STK33: variants seen among roughly 807,000 people sequenced by gnomAD.
The protein encoded by STK33 is serine/threonine kinase 33.
Under a neutral mutation model 58.0 loss-of-function variants are expected in STK33, and 52 were observed. The observed-to-expected ratio is 0.90, with a 90% CI of 0.72 to 1.13. The LOEUF is 1.13. STK33 is among the 50% of genes most tolerant of loss of function. The pLI, the probability that STK33 is intolerant of heterozygous loss-of-function variation, is 0.00. For missense variants in STK33, 630 were observed against 604.2 expected, an observed-to-expected ratio of 1.04 and a Z score of -0.45; for synonymous variants, 215 against 200.1, an observed-to-expected ratio of 1.07 and a Z score of -0.63.
intron 1 of STK33, among the ~76,000 whole-genome samples, chr11:8,558,134 C>T (rs1050724486): frequency 2.0e-5 from 3 of 152,074 alleles, no homozygotes; most frequent in Admixed American, 2.0e-4. Context: ...CAATGGATTA[C>T]CTGCAAAAAA....
At chr11:8,531,217 G>C (rs1954519824) in intron 1 of STK33, among the ~76,000 whole-genome samples, 1 of 152,068 alleles carries the variant, frequency 6.6e-6, no homozygotes, top group Non-Finnish European at 1.5e-5. Flanking sequence ...TTCGCTTAAA[G>C]GAAACTGAGA....
At chr11:8,453,566 T>C (rs762779451) in intron 10 of STK33, among the ~76,000 whole-genome samples, 5 of 152,256 alleles carry the variant, frequency 3.3e-5, no homozygotes, top group Non-Finnish European at 1.5e-5. Flanking sequence ...GTGCCGCAAC[T>C]GTAGGCCTTC....
intron 6 of STK33, among the ~76,000 whole-genome samples, chr11:8,472,796 G>A (rs915285326): frequency 3.3e-5 from 5 of 152,122 alleles, no homozygotes; most frequent in African/African-American, 9.7e-5. Context: ...GGAGATTCTG[G>A]CCTCACTATC....
chr11:8,499,731 T>G (rs991359316), intron 1 of STK33, among the ~76,000 whole-genome samples: 3 of 152,172 alleles, frequency 2.0e-5, no homozygotes, highest in African/African-American at 7.2e-5. Flanking sequence ...CATGGAATAC[T>G]ATGCAGCCAT....
intron 11 of STK33, among the ~76,000 whole-genome samples, chr11:8,449,598 C>G (rs1319641160): frequency 2.2e-5 from 3 of 136,838 alleles, no homozygotes; most frequent in Non-Finnish European, 3.0e-5. Flanking sequence ...CACATGGACA[C>G]AGGAAGGGGA....
the STK33 span, among the ~76,000 whole-genome samples, chr11:8,367,391 T>A: frequency 1.5e-3 from 234 of 152,342 alleles, 1 homozygote; most frequent in African/African-American, 5.4e-3. Flanking sequence ...GTTCACATCA[T>A]TGTACATTCA....
At chr11:8,458,939 A>T (rs1947200417) in intron 8 of STK33, among the ~76,000 whole-genome samples, 1 of 152,188 alleles carries the variant, frequency 6.6e-6, no homozygotes, top group African/African-American at 2.4e-5. Context: ...CGCAATTCAG[A>T]TTCACTGAAT....
intron 1 of STK33, chr11:8,565,608 G>A (rs1442795225): frequency 2.0e-5 from 3 of 152,148 alleles, no homozygotes; most frequent in Non-Finnish European, 4.4e-5. Flanking sequence ...ATTATGATAA[G>A]GAGAAAAAGA....
At chr11:8,419,518 T>A (rs1941614473) in intron 14 of STK33, among the ~76,000 whole-genome samples, 1 of 152,212 alleles carries the variant, frequency 6.6e-6, no homozygotes, top group Non-Finnish European at 1.5e-5. Flanking sequence ...GGTAGCATGA[T>A]GCCTCCAGCT....
intron 15 of STK33, among the ~76,000 whole-genome samples, chr11:8,398,091 A>C (rs367787028): frequency 6.6e-6 from 1 of 152,166 alleles, no homozygotes; most frequent in East Asian, 1.9e-4. Context: ...CCAACATTCA[A>C]ATTCAGGAAA....
At chr11:8,521,641 T>G (rs892515010) in intron 1 of STK33, among the ~76,000 whole-genome samples, 3 of 152,010 alleles carry the variant, frequency 2.0e-5, no homozygotes, top group South Asian at 2.1e-4. Context: ...CTAATTAAAC[T>G]AAAGAGCTTC....
At chr11:8,498,898 G>T (rs1312669430) in intron 1 of STK33, among the ~76,000 whole-genome samples, 5 of 152,078 alleles carry the variant, frequency 3.3e-5, no homozygotes, top group Non-Finnish European at 5.9e-5. Context: ...ACTGAAACTG[G>T]ACCCCTTCCT....
intron 1 of STK33, among the ~76,000 whole-genome samples, chr11:8,490,483 G>A (rs577139962): frequency 1.3e-5 from 2 of 152,282 alleles, no homozygotes; most frequent in Non-Finnish European, 2.9e-5. Flanking sequence ...TCCACGTCTG[G>A]GGGCAGGGCA....
intron 15 of STK33, among the ~76,000 whole-genome samples, chr11:8,406,729 C>CT (rs1939284907): frequency 6.6e-6 from 1 of 152,098 alleles, no homozygotes; most frequent in Admixed American, 6.5e-5. Context: ...CTTTAATTCA[C>CT]TTTTTGTAGA....
intron 1 of STK33, among the ~76,000 whole-genome samples, chr11:8,510,203 G>A (rs1390965522): frequency 2.0e-5 from 3 of 152,152 alleles, no homozygotes; most frequent in Admixed American, 2.0e-4. Context: ...CATTCTTGCA[G>A]GAGTAAGGTA....
chr11:8,428,255 C>T (rs1207631867), intron 14 of STK33, among the ~76,000 whole-genome samples: 1 of 152,204 alleles, frequency 6.6e-6, no homozygotes, highest in Non-Finnish European at 1.5e-5. Context: ...TCAGGCACGG[C>T]TTCAGTGCTG....
At chr11:8,490,640 A>G (rs916478403) in intron 1 of STK33, among the ~76,000 whole-genome samples, 12 of 152,178 alleles carry the variant, frequency 7.9e-5, no homozygotes, top group African/African-American at 2.9e-4. Context: ...ACCCCTGTGT[A>G]GCCTAACTGG....
At chr11:8,395,843 G>A (rs1849238847) in intron 15 of STK33, among the ~76,000 whole-genome samples, 1 of 152,120 alleles carries the variant, frequency 6.6e-6, no homozygotes, top group South Asian at 2.1e-4. Context: ...ATGGTATATG[G>A]ATTTGTAATT....
chr11:8,590,759 C>T (rs1229754943), intron 1 of STK33, among the ~76,000 whole-genome samples: 1 of 152,146 alleles, frequency 6.6e-6, no homozygotes, highest in African/African-American at 2.4e-5. Context: ...CCATTCTTCA[C>T]ATTCTAGAGC....
Sources: gnomAD v4.1 joint callset for allele counts (sites outside exome capture counted in the v4.1 genomes callset) on GRCh38, gnomAD v4.1.1 for gene constraint, MANE v1.5 for transcripts, NCBI Gene and HGNC (gene_info 2026-07-23, HGNC 2026-07-21) for gene names.